Variants in RABEP1 observed in about 807,000 individuals in gnomAD.
RABEP1 encodes the protein rab GTPase-binding effector protein 1.
Under a neutral mutation model 123.4 loss-of-function variants are expected in RABEP1, and 51 were observed. That is an observed-to-expected ratio of 0.41 (90% confidence interval 0.33 to 0.52). The LOEUF (loss-of-function observed/expected upper bound fraction) is 0.52, where lower values mean the gene tolerates loss of function less well. Among genes scored for constraint, RABEP1 ranks in the 20% least tolerant of loss-of-function variants. The pLI, the probability that RABEP1 is intolerant of heterozygous loss-of-function variation, is 0.16. For synonymous variants in RABEP1, 347 were observed against 355.2 expected (o/e 0.98, Z 0.26); for missense variants, 888 against 996.3 (o/e 0.89, Z 1.46).
intron 11 of RABEP1, among the ~76,000 whole-genome samples, chr17:5,367,129 T>C (rs1910070131): frequency 6.6e-6 from 1 of 151,990 alleles, no homozygotes. Context: ...TATTTCTTTA[T>C]GGTTTGTGAT....
intron 1 of RABEP1, among the ~76,000 whole-genome samples, chr17:5,307,768 TCTG>T (rs1481719400): frequency 6.6e-6 from 1 of 152,188 alleles, no homozygotes; most frequent in Non-Finnish European, 1.5e-5. Flanking sequence ...AAGTAAAAAG[TCTG>T]CTAATCTCCG....
chr17:5,312,583 A>AT (rs1468443409), intron 2 of RABEP1, among the ~76,000 whole-genome samples: 1 of 151,972 alleles, frequency 6.6e-6, no homozygotes. Context: ...ATGGAGTTCC[A>AT]TTTTTTCATG....
At chr17:5,330,898 C>T (rs1235673031) in intron 2 of RABEP1, among the ~76,000 whole-genome samples, 3 of 152,046 alleles carry the variant, frequency 2.0e-5, no homozygotes, top group Admixed American at 2.0e-4. Context: ...ATGGTGCATG[C>T]CTGCAGTCCT....
intron 11 of RABEP1, among the ~76,000 whole-genome samples, chr17:5,367,459 C>CG (rs1567548111): frequency 1.3e-5 from 2 of 151,506 alleles, no homozygotes; most frequent in East Asian, 4.0e-4. Context: ...TTAGTAGAGA[C>CG]GGGGTTTCAC....
At chr17:5,339,806 AAAAG>A (rs1180565649) in intron 5 of RABEP1, among the ~76,000 whole-genome samples, 3 of 152,180 alleles carry the variant, frequency 2.0e-5, no homozygotes, top group African/African-American at 4.8e-5. Flanking sequence ...CCATCTCAAA[AAAAG>A]AAAGAAAAAA....
At chr17:5,305,705 G>A (rs1028036611) in intron 1 of RABEP1, among the ~76,000 whole-genome samples, 1 of 152,120 alleles carries the variant, frequency 6.6e-6, no homozygotes, top group Non-Finnish European at 1.5e-5. Context: ...AAAGTGTTAA[G>A]TGGAAAAGTT....
Position 5,314,234 on chromosome 17 carries a change from C to CTTTTTTTTTTTT in RABEP1, c.163+5427_163+5438dup, listed in dbSNP as rs71151864. ...GCCTGTTCTTTTCTTAGTACCTATT[C>CTTTTTTTTTTTT]TTTTTTTTTTTTTTTTTTTTTTTTT... On this transcript the variant is annotated intron_variant, in intron 2 of 17. Coordinates refer to ENST00000537505, the MANE Select transcript of RABEP1 (RefSeq NM_004703.6). Among the ~76,000 whole-genome samples the CTTTTTTTTTTTT allele has an allele frequency of 2.0e-3, 113 of 55,582 alleles. 21 individuals carry two copies. Among genetic ancestry groups the CTTTTTTTTTTTT allele is most frequent in the South Asian group, 3.5e-3 (4 of 1,144 alleles). 36.5% of individuals were successfully genotyped at this position (55,582 alleles called of 152,430 possible).
intron 3 of RABEP1, among the ~76,000 whole-genome samples, chr17:5,332,733 C>T (rs62075130): frequency 0.28 from 42,004 of 151,432 alleles, 5,998 homozygotes; most frequent in African/African-American, 0.34. Flanking sequence ...CTCAGCCTCC[C>T]GAGTAGCTGG....
chr17:5,363,787 A>G (rs924736734), intron 10 of RABEP1, among the ~76,000 whole-genome samples: 2 of 152,202 alleles, frequency 1.3e-5, no homozygotes, highest in Admixed American at 1.3e-4. Flanking sequence ...ATTAAGGTTA[A>G]TAAGTTCCCA....
intron 8 of RABEP1, chr17:5,356,416 A>C (rs1909022560): frequency 1.9e-5 from 3 of 157,014 alleles, no homozygotes; most frequent in South Asian, 4.1e-4. Flanking sequence ...AGATATTTGA[A>C]ATTTGTAGAC....
chr17:5,326,307 G>A (rs1487107744), intron 2 of RABEP1, among the ~76,000 whole-genome samples: 2 of 152,172 alleles, frequency 1.3e-5, no homozygotes, highest in Non-Finnish European at 2.9e-5. Flanking sequence ...ATTATTCCAT[G>A]CTAAAAAGGA....
At chr17:5,374,414 CCTTAA>C (rs1208032680) in intron 13 of RABEP1, among the ~76,000 whole-genome samples, 1 of 151,772 alleles carries the variant, frequency 6.6e-6, no homozygotes, top group African/African-American at 2.4e-5. Flanking sequence ...ATAATTCTCT[CCTTAA>C]CTTTATCCAA....
At chr17:5,286,299 G>T (rs2074977076) in intron 1 of RABEP1, among the ~76,000 whole-genome samples, 1 of 152,178 alleles carries the variant, frequency 6.6e-6, no homozygotes, top group East Asian at 1.9e-4. Context: ...TTCAAGACCA[G>T]CCTGGCCAAT....
chr17:5,341,547 T>A (rs1907609523), intron 5 of RABEP1, among the ~76,000 whole-genome samples: 2 of 152,226 alleles, frequency 1.3e-5, no homozygotes, highest in South Asian at 4.1e-4. Flanking sequence ...GAGCAAATTC[T>A]TATATTTTAC....
intron 2 of RABEP1, among the ~76,000 whole-genome samples, chr17:5,309,895 C>G (rs2075219322): frequency 6.6e-6 from 1 of 152,124 alleles, no homozygotes; most frequent in Non-Finnish European, 1.5e-5. Flanking sequence ...TGGGTCCCAC[C>G]CAGATTTACT....
At chr17:5,290,126 C>A (rs575918635) in intron 1 of RABEP1, among the ~76,000 whole-genome samples, 1 of 152,156 alleles carries the variant, frequency 6.6e-6, no homozygotes, top group South Asian at 2.1e-4. Flanking sequence ...CTCGCTCTGT[C>A]GCCCAGGCTA....
intron 1 of RABEP1, among the ~76,000 whole-genome samples, chr17:5,282,987 T>C (rs978910682): frequency 6.6e-6 from 1 of 152,124 alleles, no homozygotes; most frequent in Non-Finnish European, 1.5e-5. Flanking sequence ...AAAGTAGTTG[T>C]GTACAGTAAC....
chr17:5,367,245 T>TACACAC (rs145302611), intron 11 of RABEP1, among the ~76,000 whole-genome samples: 15,789 of 147,646 alleles, frequency 0.11, 859 homozygotes, highest in African/African-American at 0.12. Context: ...AGAACTTAGA[T>TACACAC]ACACACACAC....
intron 5 of RABEP1, among the ~76,000 whole-genome samples, 199 bp downstream of exon 5, chr17:5,338,337 G>C (rs183916119): frequency 7.2e-5 from 11 of 152,228 alleles, no homozygotes; most frequent in African/African-American, 2.6e-4. Context: ...TGAGGCGGGC[G>C]GATCACCTGA....
Sources: gnomAD v4.1 joint callset for allele counts (sites outside exome capture counted in the v4.1 genomes callset) on GRCh38, gnomAD v4.1.1 for gene constraint, MANE v1.5 for transcripts, NCBI Gene and HGNC (gene_info 2026-07-23, HGNC 2026-07-21) for gene names.